NPAS3: variants seen among roughly 807,000 people sequenced by gnomAD.
NPAS3 encodes neuronal PAS domain protein 3, also known as neuronal PAS domain-containing protein 3.
In NPAS3, 14 loss-of-function variants were observed where a neutral mutation model predicts 73.1. That is an observed-to-expected ratio of 0.19 (90% CI 0.13 to 0.30). NPAS3 has a LOEUF of 0.30. Among genes scored for constraint, NPAS3 ranks in the 10% least tolerant of loss-of-function variants. The pLI, the probability that NPAS3 is intolerant of heterozygous loss-of-function variation, is 1.00. For synonymous variants in NPAS3, 620 were observed against 541.5 expected (o/e 1.14, Z -2.01); for missense variants, 1,096 against 1,250.0 (o/e 0.88, Z 1.86).
rs145226372 is a variant in NPAS3, at chr14:33,009,215, A to G, written c.51-46690A>G. ...TGTGAATGACAGCTTCTTTCCTGAA[A>G]GAGCAAGCCACCTCACTGGGGAATA... On this transcript the variant is annotated intron_variant, in intron 1 of 11. Transcript: ENST00000356141. Among the ~76,000 whole-genome samples the G allele has an allele frequency of 3.0e-4, 45 of 152,322 alleles. No individual in the cohort carries two copies. The East Asian group carries it at 8.1e-3, about 27-fold the overall frequency.
intron 5 of NPAS3, chr14:33,612,488 T>G (rs2057782909): frequency 2.2e-6 from 1 of 455,972 alleles, no homozygotes; most frequent in Admixed American, 2.3e-5. Flanking sequence ...TTTATGTCAC[T>G]TTTTAAAATT....
At chr14:33,291,256 A>G (rs17100535) in intron 3 of NPAS3, among the ~76,000 whole-genome samples, 4,316 of 152,172 alleles carry the variant, frequency 0.028, 161 homozygotes, top group African/African-American at 0.09. Flanking sequence ...TTAAGAGAGA[A>G]GCATTATTGA....
At chr14:33,503,312 A>G (rs1051383676) in intron 4 of NPAS3, among the ~76,000 whole-genome samples, 8 of 151,954 alleles carry the variant, frequency 5.3e-5, no homozygotes, top group Non-Finnish European at 7.4e-5. Flanking sequence ...TTCCCATGCC[A>G]GTTGAACCAC....
At chr14:33,556,064 G>A (rs1002179844) in intron 4 of NPAS3, among the ~76,000 whole-genome samples, 2 of 152,122 alleles carry the variant, frequency 1.3e-5, no homozygotes, top group Admixed American at 6.5e-5. Context: ...TGGAACATGT[G>A]TTGAAGCCTC....
chr14:33,802,376 T>TAAAAAAAAAAAAAAAAAAAAA (rs71293230), downstream of NPAS3: 7 of 95,698 alleles, frequency 7.3e-5, no homozygotes, highest in East Asian at 3.5e-4. Context: ...GCACATTAAG[T>TAAAAAAAAAAAAAAAAAAAAA]AAAAAAAAAA....
At chr14:33,039,821 G>C (rs531355142) in intron 1 of NPAS3, among the ~76,000 whole-genome samples, 23 of 152,196 alleles carry the variant, frequency 1.5e-4, no homozygotes, top group Non-Finnish European at 5.9e-5. Context: ...CAGGGGCCTG[G>C]GGTCTGGGAA....
At chr14:33,341,828 T>C (rs1418010450) in intron 3 of NPAS3, among the ~76,000 whole-genome samples, 1 of 152,148 alleles carries the variant, frequency 6.6e-6, no homozygotes, top group Non-Finnish European at 1.5e-5. Context: ...TTTGGAGAGA[T>C]TAGAAGGGTT....
chr14:33,146,837 G>C (rs775276574), intron 2 of NPAS3, among the ~76,000 whole-genome samples: 1 of 152,154 alleles, frequency 6.6e-6, no homozygotes, highest in African/African-American at 2.4e-5. Context: ...GCCATGACTC[G>C]ATCAGGGAAG....
At chr14:33,437,516 T>C (rs551081507) in intron 4 of NPAS3, among the ~76,000 whole-genome samples, 3 of 152,320 alleles carry the variant, frequency 2.0e-5, no homozygotes, top group South Asian at 4.1e-4. Context: ...AGGAATCCAA[T>C]TGACTGTCCC....
intron 3 of NPAS3, among the ~76,000 whole-genome samples, chr14:33,323,183 C>T (rs2043536992): frequency 6.6e-6 from 1 of 152,148 alleles, no homozygotes; most frequent in Non-Finnish European, 1.5e-5. Context: ...CCCAAAGGCC[C>T]CTCTGGGATA....
upstream of NPAS3, among the ~76,000 whole-genome samples, chr14:32,938,482 A>AGAGAGAGAG (rs2035781447): frequency 1.3e-4 from 2 of 15,050 alleles, no homozygotes; most frequent in Non-Finnish European, 1.6e-4. Flanking sequence ...AGAGAGAGAG[A>AGAGAGAGAG]AATTGAGAGA....
chr14:33,371,732 G>C (rs927786803), intron 4 of NPAS3, among the ~76,000 whole-genome samples: 2 of 152,074 alleles, frequency 1.3e-5, no homozygotes, highest in African/African-American at 4.8e-5. Flanking sequence ...ATATTGAAAA[G>C]CATATTTTCT....
intron 4 of NPAS3, among the ~76,000 whole-genome samples, chr14:33,372,054 G>C (rs1372995380): frequency 2.0e-5 from 3 of 152,162 alleles, no homozygotes; most frequent in Non-Finnish European, 4.4e-5. Flanking sequence ...ATGGTAATAA[G>C]AGGAAAGAAT....
At chr14:33,793,157 T>C (rs1321948506) in intron 9 of NPAS3, among the ~76,000 whole-genome samples, 1 of 152,260 alleles carries the variant, frequency 6.6e-6, no homozygotes, top group Non-Finnish European at 1.5e-5. Flanking sequence ...TTCACATTAC[T>C]GATTGTTTTT....
chr14:33,694,460 C>T (rs995614552), intron 6 of NPAS3, among the ~76,000 whole-genome samples: 7 of 152,112 alleles, frequency 4.6e-5, no homozygotes, highest in Non-Finnish European at 2.9e-5. Flanking sequence ...CATTTCCTCT[C>T]CTGGTGTGAT....
At chr14:33,191,424 T>C (rs1290987304) in intron 2 of NPAS3, among the ~76,000 whole-genome samples, 1 of 152,190 alleles carries the variant, frequency 6.6e-6, no homozygotes, top group East Asian at 1.9e-4. Flanking sequence ...TAAATAATTA[T>C]AATTAGGTGA....
In NPAS3 at chr14:33,593,082, T is replaced by C. The variant is rs142826551; in HGVS notation, c.558+32872T>C. Among the ~76,000 whole-genome samples, 27 of 152,204 alleles carry C rather than the reference T, an allele frequency of 1.8e-4. No individual in the cohort carries two copies. The East Asian group carries it at 5.2e-3, about 30-fold the overall frequency. On this transcript the variant is annotated intron_variant, in intron 5 of 11. Coordinates refer to ENST00000356141, the Ensembl canonical transcript of NPAS3. Reference sequence around the variant, plus strand: ...GGGCTTGGCACATGGAGGGGTCATATCACCAGACTGTATGTGCCAATGTGA... The same window carrying C: ...GGGCTTGGCACATGGAGGGGTCATACCACCAGACTGTATGTGCCAATGTGA...
chr14:33,179,080 G>GT (rs970419800), intron 2 of NPAS3, among the ~76,000 whole-genome samples: 12 of 151,764 alleles, frequency 7.9e-5, no homozygotes, highest in African/African-American at 1.9e-4. Context: ...GATCACGTGT[G>GT]TTTTTTTTCC....
intron 3 of NPAS3, among the ~76,000 whole-genome samples, chr14:33,264,824 C>T (rs1170493593): frequency 6.6e-6 from 1 of 152,184 alleles, no homozygotes; most frequent in African/African-American, 2.4e-5. Flanking sequence ...TTCATCAGGG[C>T]AGTCTTGGTC....
Sources: allele counts gnomAD v4.1 joint callset (sites outside exome capture counted in the v4.1 genomes callset), GRCh38; gene constraint gnomAD v4.1.1; transcripts MANE v1.5; gene names NCBI Gene and HGNC (gene_info 2026-07-23, HGNC 2026-07-21).